SPRED2: variants seen among roughly 807,000 people sequenced by gnomAD.
SPRED2 encodes sprouty-related, EVH1 domain-containing protein 2.
Under a neutral mutation model 43.0 loss-of-function variants are expected in SPRED2, and 47 were observed. That is an observed-to-expected ratio of 1.09 (90% CI 0.87 to 1.40). SPRED2 has a LOEUF of 1.40. Among genes scored for constraint, SPRED2 ranks in the 40% most tolerant of loss-of-function variants. The pLI is 0.00. For synonymous variants in SPRED2, 225 were observed against 225.7 expected (o/e 1.00, Z 0.03); for missense variants, 561 against 586.4 (o/e 0.96, Z 0.45).
intron 1 of SPRED2, among the ~76,000 whole-genome samples, chr2:65,347,698 C>T (rs920286270): frequency 1.3e-5 from 2 of 152,152 alleles, no homozygotes; most frequent in East Asian, 3.9e-4. Context: ...ACATTTCCAT[C>T]CAGGTCTCTT....
chr2:65,324,641 C>A (rs1040382812), intron 4 of SPRED2, among the ~76,000 whole-genome samples: 1 of 152,182 alleles, frequency 6.6e-6, no homozygotes, highest in African/African-American at 2.4e-5. Flanking sequence ...GCAGCTCACA[C>A]GCCCTGGGTC....
At chr2:65,373,435 A>G (rs1332989015) in intron 1 of SPRED2, among the ~76,000 whole-genome samples, 5 of 152,350 alleles carry the variant, frequency 3.3e-5, no homozygotes, top group Middle Eastern at 3.4e-3. Context: ...CCAAACTCAC[A>G]CACCAGTCCA....
At position 65,313,103 on chromosome 2, in the gene SPRED2, A is replaced by G; in HGVS notation, c.*398T>C. On this transcript the variant is annotated 3_prime_UTR_variant, in exon 6 of 6. Transcript: ENST00000356388. ...GTCTTCGACGCTCTTGGAAAAATCA[A>G]CTACAAAACCCACCGAAAATCAGCA... 1.0e-6 allele frequency: 1 copy of G among 995,872 alleles called. No homozygotes were observed. Among genetic ancestry groups the G allele is most frequent in the Non-Finnish European group, 1.2e-6 (1 of 837,316 alleles). The allele number at this position is 995,872 out of a possible 1,614,324, so 61.7% of individuals were successfully genotyped here. A position where few individuals can be genotyped will look rare whatever the true frequency, so the allele number is the denominator to read the frequency against.
chr2:65,309,427 G>A (rs575079761), downstream of SPRED2, among the ~76,000 whole-genome samples: 3 of 147,320 alleles, frequency 2.0e-5, no homozygotes, highest in South Asian at 6.4e-4. Context: ...AATCACTTGA[G>A]TCCAGGAGGT....
chr2:65,343,292 G>T (rs1013629013), intron 2 of SPRED2, among the ~76,000 whole-genome samples: 60 of 152,256 alleles, frequency 3.9e-4, no homozygotes, highest in African/African-American at 1.4e-3. Flanking sequence ...ATTATATAGG[G>T]TATTTCCTGA....
chr2:65,410,990 G>A (rs1030663766), intron 1 of SPRED2, among the ~76,000 whole-genome samples: 2 of 152,170 alleles, frequency 1.3e-5, no homozygotes, highest in African/African-American at 4.8e-5. Context: ...CTGTTTGTTC[G>A]AGGTGCCTTC....
intron 1 of SPRED2, among the ~76,000 whole-genome samples, chr2:65,403,926 C>T (rs759500505): frequency 2.0e-5 from 3 of 152,132 alleles, no homozygotes; most frequent in Non-Finnish European, 4.4e-5. Context: ...CATTTGTGGC[C>T]AGGTGTGGTG....
intron 1 of SPRED2, among the ~76,000 whole-genome samples, chr2:65,390,657 TATG>T (rs935142968): frequency 2.0e-4 from 31 of 152,316 alleles, no homozygotes; most frequent in African/African-American, 7.2e-4. Context: ...TTCATAGGGT[TATG>T]ATGATTAAAC....
At chr2:65,336,387 T>C (rs1244035720) in intron 2 of SPRED2, among the ~76,000 whole-genome samples, 1 of 151,772 alleles carries the variant, frequency 6.6e-6, no homozygotes, top group Non-Finnish European at 1.5e-5. Context: ...GAGAAATAAA[T>C]TAAGGGTTGT....
chr2:65,327,952 G>A (rs962605398), intron 4 of SPRED2, among the ~76,000 whole-genome samples: 11 of 151,872 alleles, frequency 7.2e-5, no homozygotes, highest in Admixed American at 7.2e-4. Context: ...TTGAATTGCT[G>A]ACCTCGTGAT....
intron 1 of SPRED2, among the ~76,000 whole-genome samples, chr2:65,430,871 A>G (rs557897780): frequency 6.6e-6 from 1 of 152,232 alleles, no homozygotes; most frequent in African/African-American, 2.4e-5. Flanking sequence ...ATTCACAAAA[A>G]AAAAAAAGTG....
chr2:65,338,699 C>T (rs1371935473), intron 2 of SPRED2, among the ~76,000 whole-genome samples: 2 of 151,854 alleles, frequency 1.3e-5, no homozygotes, highest in Non-Finnish European at 2.9e-5. Flanking sequence ...GCGGAGATTG[C>T]AGCCTCTGCC....
chr2:65,416,205 GA>G (rs1373606563), intron 1 of SPRED2, among the ~76,000 whole-genome samples: 2 of 152,222 alleles, frequency 1.3e-5, no homozygotes, highest in Admixed American at 1.3e-4. Flanking sequence ...CTACGGATGA[GA>G]AAGGTTAAGA....
chr2:65,393,487 C>A (rs1324257828), intron 1 of SPRED2, among the ~76,000 whole-genome samples: 1 of 151,958 alleles, frequency 6.6e-6, no homozygotes, highest in East Asian at 1.9e-4. Flanking sequence ...GCACGTGCCA[C>A]TACCGCCCGG....
intron 2 of SPRED2, 142 bp from the exon 3 acceptor site, chr2:65,334,915 C>G: frequency 2.5e-6 from 2 of 799,182 alleles, no homozygotes; most frequent in South Asian, 3.4e-5. Context: ...GTGAGTCTCT[C>G]CAATGGGAAA....
At chr2:65,411,953 T>C (rs1676170736) in intron 1 of SPRED2, among the ~76,000 whole-genome samples, 1 of 151,848 alleles carries the variant, frequency 6.6e-6, no homozygotes, top group Non-Finnish European at 1.5e-5. Flanking sequence ...CGGTGAAACT[T>C]CATCTCTACT....
intron 1 of SPRED2, among the ~76,000 whole-genome samples, chr2:65,420,929 C>T (rs1486608614): frequency 1.3e-5 from 2 of 152,186 alleles, no homozygotes; most frequent in African/African-American, 2.4e-5. Flanking sequence ...GCATCAGAAA[C>T]AACACAACCA....
chr2:65,431,489 C>T (rs1191775649), intron 1 of SPRED2, among the ~76,000 whole-genome samples: 1 of 152,196 alleles, frequency 6.6e-6, no homozygotes, highest in African/African-American at 2.4e-5. Context: ...CAAATGAGAG[C>T]GATTCAAGAA....
At chr2:65,329,709 C>T (rs1673751607) in intron 4 of SPRED2, among the ~76,000 whole-genome samples, 2 of 152,188 alleles carry the variant, frequency 1.3e-5, no homozygotes, top group Admixed American at 6.5e-5. Context: ...CTGCGAATGA[C>T]AGGTTTGCTC....
Sources: gnomAD v4.1 joint callset for allele counts (sites outside exome capture counted in the v4.1 genomes callset) on GRCh38, gnomAD v4.1.1 for gene constraint, MANE v1.5 for transcripts, NCBI Gene and HGNC (gene_info 2026-07-23, HGNC 2026-07-21) for gene names.